The following NBEAL1 variants were observed in gnomAD, a reference collection of about 807,000 sequenced individuals.
NBEAL1 encodes the protein neurobeachin like 1, also known as neurobeachin-like protein 1.
A neutral mutation model predicts 351.3 loss-of-function variants in NBEAL1; 273 were observed. That is an observed-to-expected ratio of 0.78 (90% confidence interval 0.70 to 0.86). The LOEUF is 0.86. Among genes scored for constraint, NBEAL1 ranks in the 40% least tolerant of loss-of-function variants. NBEAL1 has a pLI of 0.00. For synonymous variants in NBEAL1, 1,050 were observed against 1,086.4 expected (o/e 0.97, Z 0.66); for missense variants, 2,961 against 3,201.3 (o/e 0.92, Z 1.81).
upstream of NBEAL1, chr2:203,014,762 A>G (rs1411220810): frequency 3.3e-5 from 5 of 152,256 alleles, no homozygotes; most frequent in Admixed American, 3.3e-4. Context: ...CTACGCGACC[A>G]TTGAACAGCT....
intron 37 of NBEAL1, among the ~76,000 whole-genome samples, chr2:203,167,020 A>C (rs951662146): frequency 1.3e-5 from 2 of 152,214 alleles, no homozygotes; most frequent in African/African-American, 4.8e-5. Context: ...TTGTATTCTA[A>C]TGGGAAGGCA....
At chr2:203,035,176 G>T (rs189070416) in intron 2 of NBEAL1, among the ~76,000 whole-genome samples, 2 of 149,196 alleles carry the variant, frequency 1.3e-5, no homozygotes, top group Non-Finnish European at 3.0e-5. Flanking sequence ...GAAGCTAAAC[G>T]TCTGCTGTGC....
intron 14 of NBEAL1, 27 bp downstream of exon 14, chr2:203,108,215 A>C: frequency 2.9e-5 from 41 of 1,434,566 alleles, no homozygotes; most frequent in Non-Finnish European, 3.9e-5. Context: ...TGGAATATAA[A>C]TGAATACTGT....
chr2:203,066,024 A>G (rs1219614566), intron 6 of NBEAL1, among the ~76,000 whole-genome samples: 1 of 152,210 alleles, frequency 6.6e-6, no homozygotes, highest in African/African-American at 2.4e-5. Context: ...TTGTGTTCTA[A>G]TATATGTAAT....
rs114533445 is a variant in NBEAL1 at position 203,072,705 on chromosome 2, A to G, written c.598+4230A>G. On this transcript the variant is annotated intron_variant, in intron 7 of 55. Transcript: ENST00000683969. ...ATCCCCTTTCCACTAGTTTTCAATA[A>G]CATGCTCCTTATTTATGTTTGAGAG... 6.2e-3 allele frequency among the ~76,000 whole-genome samples: 945 copies of G among 152,246 alleles called. 8 individuals are homozygous for G. Among genetic ancestry groups the G allele is most frequent in the Non-Finnish European group, 9.7e-3 (659 of 68,012 alleles).
intron 51 of NBEAL1, among the ~76,000 whole-genome samples, chr2:203,206,688 C>T (rs1022931166): frequency 7.9e-5 from 12 of 152,114 alleles, no homozygotes; most frequent in East Asian, 7.7e-4. Flanking sequence ...CCCGAGGTGC[C>T]GGGATTGCAG....
At chr2:203,040,093 T>C in intron 2 of NBEAL1, 1 of 867,620 alleles carries the variant, frequency 1.2e-6, no homozygotes, top group Non-Finnish European at 1.9e-6. Flanking sequence ...TGATCAGTCC[T>C]TCAACACTAG....
chr2:203,078,445 A>G (rs115810193), intron 8 of NBEAL1, among the ~76,000 whole-genome samples: 14,083 of 152,126 alleles, frequency 0.093, 769 homozygotes, highest in Non-Finnish European at 0.13. Flanking sequence ...GGTTCAAGCA[A>G]TCCTCCCACT....
In NBEAL1 at chr2:203,188,563, A is replaced by C. The variant is rs1311968035; in HGVS notation, c.6797A>C (p.Asn2266Thr). 1 of 1,604,444 alleles carries C rather than the reference A, an allele frequency of 6.2e-7. No individual in the cohort carries two copies. Among genetic ancestry groups the C allele is most frequent in the South Asian group, 1.1e-5 (1 of 89,680 alleles). ...GGACCAGCTGCAGTAGAGGCACTCA[A>C]CGTTTTCTATTATTGTAGTTATGAA... is the stretch of plus-strand genomic sequence containing the variant. ...QRGPAAVEAL[N>T]VFYYCSYEGA... Residue 2266 changes from asparagine to threonine, a missense_variant, in exon 45 of 56, where the codon AAC (asparagine) becomes ACC (threonine). By Grantham distance (65) the Asn-to-Thr change is moderately conservative. Transcript: ENST00000683969.
At chr2:203,094,786 A>G (rs1408343200) in intron 10 of NBEAL1, among the ~76,000 whole-genome samples, 1 of 152,170 alleles carries the variant, frequency 6.6e-6, no homozygotes, top group African/African-American at 2.4e-5. Context: ...TATGATTTGA[A>G]TTAATGTAAA....
chr2:203,122,332 TG>T lies in NBEAL1; in HGVS notation c.2674del (p.Asp892ThrfsTer6). On this transcript the variant is annotated frameshift_variant, in exon 19 of 56. Coordinates refer to ENST00000683969, the MANE Select transcript of NBEAL1 (RefSeq NM_001378026.1). LOFTEE classifies it high-confidence loss of function. Reference protein sequence around the residue: ...GRLTGNKVVNWDIKDIINCIG... With the variant: ...GRLTGNKVVNXDIKDIINCIG... ...ATTAACAGGAAACAAAGTAGTGAAC[TG>T]GGACATTAAGGTAAATTAATAGTAA... 1 of 1,528,444 alleles carries T rather than the reference TG, an allele frequency of 6.5e-7. No individual in the cohort carries two copies. The highest frequency in any genetic ancestry group is 8.8e-7 in the Non-Finnish European group (1 of 1,130,492). 94.7% of individuals were successfully genotyped at this position (1,528,444 alleles called of 1,614,324 possible).
At chr2:203,164,834 C>T (rs1055000474) in intron 36 of NBEAL1, among the ~76,000 whole-genome samples, 2 of 149,880 alleles carry the variant, frequency 1.3e-5, no homozygotes. Context: ...GAATAACATT[C>T]TGTGAGTGGT....
chr2:203,111,431 C>T (rs537809849), intron 15 of NBEAL1, among the ~76,000 whole-genome samples: 24 of 151,962 alleles, frequency 1.6e-4, no homozygotes, highest in Non-Finnish European at 2.9e-4. Flanking sequence ...GAGTCAGTGG[C>T]GCCATCTCAG....
At chr2:203,112,122 T>G in intron 16 of NBEAL1, 24 bp downstream of exon 16, 2 of 1,540,348 alleles carry the variant, frequency 1.3e-6, no homozygotes, top group Non-Finnish European at 1.7e-6. Context: ...ACCTACTCTT[T>G]ACGGGCCCTA....
Position 203,167,302 on chromosome 2 carries a change from C to G in NBEAL1, c.5939C>G (p.Ser1980Ter), listed in dbSNP as rs763350559. 1 of 1,613,174 alleles carries G rather than the reference C, an allele frequency of 6.2e-7. No homozygotes were observed. Among genetic ancestry groups the G allele is most frequent in the East Asian group, 2.2e-5 (1 of 44,778 alleles). The change falls in exon 38 of 56, where the codon TCA becomes TGA. Residue 1980 changes from serine to a stop codon, truncating the protein, a stop_gained. Transcript: ENST00000683969. LOFTEE classifies it high-confidence loss of function. ...CTCCGGCGTTACAATTTAAGAAGATCAGCCCTTGAGATTTTTCATGTTGAC... is the reference window on the plus strand; with the variant it reads ...CTCCGGCGTTACAATTTAAGAAGATGAGCCCTTGAGATTTTTCATGTTGAC... Reference protein sequence around the residue: ...IHLRRYNLRRSALEIFHVDQS... With the variant: ...IHLRRYNLRR
rs1035111241 is a variant in NBEAL1, at chr2:203,222,947, A to G, written c.*5593A>G. ...GATGTTTAATTCCAAATAGGAAATA[A>G]TTCAGTTTTCTGTGTTAAGAAATGT... On this transcript the variant is annotated 3_prime_UTR_variant, in exon 56 of 56. Transcript: ENST00000683969. Among the ~76,000 whole-genome samples, 9 of 152,218 alleles carry G rather than the reference A, an allele frequency of 5.9e-5. No individual in the cohort carries two copies. Among genetic ancestry groups the G allele is most frequent in the Non-Finnish European group, 1.2e-4 (8 of 68,014 alleles).
chr2:203,112,937 T>G, intron 16 of NBEAL1, 78 bp from the exon 17 acceptor site: 1 of 1,240,162 alleles, frequency 8.1e-7, no homozygotes, highest in Non-Finnish European at 1.1e-6. Flanking sequence ...TTTTATGTAC[T>G]ATTTTATTGT....
At chr2:203,197,559 AG>A (rs2065273391) in intron 48 of NBEAL1, among the ~76,000 whole-genome samples, 168 bp downstream of exon 48, 1 of 152,208 alleles carries the variant, frequency 6.6e-6, no homozygotes, top group South Asian at 2.1e-4. Flanking sequence ...GCTTGAGCCC[AG>A]GAGTTCAAGA....
chr2:203,117,341 T>C (rs921333294), intron 18 of NBEAL1, among the ~76,000 whole-genome samples: 1 of 151,910 alleles, frequency 6.6e-6, no homozygotes, highest in African/African-American at 2.4e-5. Context: ...CGGGCGCCTG[T>C]AGTCCCAGCT....
Sources: gnomAD v4.1 joint callset for allele counts (sites outside exome capture counted in the v4.1 genomes callset) on GRCh38, gnomAD v4.1.1 for gene constraint, MANE v1.5 for transcripts, NCBI Gene and HGNC (gene_info 2026-07-23, HGNC 2026-07-21) for gene names.